PLXND1: variants seen among roughly 807,000 people sequenced by gnomAD.
The protein encoded by PLXND1 is plexin D1, also known as plexin-D1.
In PLXND1, 54 loss-of-function variants were observed where a neutral mutation model predicts 197.7. The ratio of observed to expected loss-of-function variants is 0.27; its 90% confidence interval spans 0.22 to 0.34. The LOEUF (loss-of-function observed/expected upper bound fraction) is 0.34, where lower values mean the gene tolerates loss of function less well. Ranked by LOEUF, PLXND1 falls within the 10% of genes least tolerant of loss-of-function variation. The pLI, the probability that PLXND1 is intolerant of heterozygous loss-of-function variation, is 1.00. For synonymous variants in PLXND1, 1,180 were observed against 1,161.2 expected (o/e 1.02, Z -0.33); for missense variants, 2,127 against 2,699.2 (o/e 0.79, Z 4.70).
Position 129,577,097 on chromosome 3 carries a change from C to CGTTTT in PLXND1, c.2346+1227_2346+1231dup, listed in dbSNP as rs984800280. ...GTGGCTGCTGACGGGGCCAAAAGCC[C>CGTTTT]GTTTTGTCCCCTGCCATGCTGAGCT... On this transcript the variant is annotated intron_variant, in intron 9 of 35. Coordinates refer to ENST00000324093, the MANE Select transcript of PLXND1 (RefSeq NM_015103.3). This position sits in a 1 kb window ranked among gnomAD's most constrained non-coding sequence, Gnocchi z 5.0. 3.3e-5 allele frequency among the ~76,000 whole-genome samples: 5 copies of CGTTTT among 152,266 alleles called. No individual in the cohort carries two copies. Among genetic ancestry groups the CGTTTT allele is most frequent in the African/African-American group, 1.2e-4 (5 of 41,552 alleles).
chr3:129,567,704 G>A lies in PLXND1; in HGVS notation c.3967C>T (p.Arg1323Cys). 2 of 1,607,400 alleles carry A rather than the reference G, an allele frequency of 1.2e-6. No homozygotes were observed. The highest frequency in any genetic ancestry group is 8.5e-7 in the Non-Finnish European group (1 of 1,173,870). ...EMESQIREEIRKGFAELQTDM... is the reference protein window; with the variant it reads ...EMESQIREEICKGFAELQTDM... ...CAGGGTCCCCGCCCACTACCTTTGC[G>A]GATTTCCTCTCGGATCTGAGATTCC... Residue 1323 changes from arginine (R) to cysteine (C), a missense_variant, in exon 21 of 36, where the codon CGC becomes TGC. Arg to Cys is a radical substitution (Grantham distance 180). Coordinates refer to ENST00000324093, the MANE Select transcript of PLXND1 (RefSeq NM_015103.3).
At chr3:129,586,105 G>A (rs758800708) in intron 4 of PLXND1, 24 bp from the exon 5 acceptor site, 2 of 1,613,466 alleles carry the variant, frequency 1.2e-6, no homozygotes, top group Admixed American at 3.3e-5. Flanking sequence ...GCAGGGTCAG[G>A]ACCCAGGTCA....
chr3:129,578,262 G>T, intron 9 of PLXND1, 67 bp downstream of exon 9: 1 of 954,726 alleles, frequency 1.0e-6, no homozygotes, highest in Non-Finnish European at 1.7e-6. Context: ...CATGGGGGCA[G>T]TTAGTGGCCT....
chr3:129,602,429 C>A (rs2085722895), intron 1 of PLXND1, among the ~76,000 whole-genome samples: 1 of 152,240 alleles, frequency 6.6e-6, no homozygotes, highest in Non-Finnish European at 1.5e-5. Context: ...CTTCCTCCTG[C>A]TCCTCCGCCC....
chr3:129,574,504 G>A lies in PLXND1; in HGVS notation c.2531-14C>T. On this transcript the variant is annotated splice_polypyrimidine_tract_variant and intron_variant, in intron 11 of 35. Transcript: ENST00000324093. Reference sequence around the variant, plus strand: ...TATAGACCATGACTGGGGAGACACGGGGCAGCTCGGTCAGCCCCGCTCTGC... The same window carrying A: ...TATAGACCATGACTGGGGAGACACGAGGCAGCTCGGTCAGCCCCGCTCTGC... 6.2e-7 allele frequency: 1 copy of A among 1,610,028 alleles called. No individual in the cohort carries two copies. Among genetic ancestry groups the A allele is most frequent in the Non-Finnish European group, 8.5e-7 (1 of 1,178,010 alleles).
intron 1 of PLXND1, among the ~76,000 whole-genome samples, chr3:129,598,154 C>T (rs1186746051): frequency 6.6e-6 from 1 of 152,200 alleles, no homozygotes; most frequent in African/African-American, 2.4e-5. Flanking sequence ...AGCTTCCCCT[C>T]GGCCTGCTAC....
Position 129,558,368 on chromosome 3 carries a change from T to C in PLXND1, c.5445+60A>G. On this transcript the variant is annotated intron_variant, in intron 33 of 35. Coordinates refer to ENST00000324093, the MANE Select transcript of PLXND1 (RefSeq NM_015103.3). This position sits in a 1 kb window ranked among gnomAD's most constrained non-coding sequence, Gnocchi z 4.1. ...CTCAGAGAGTCGAGGAGGCTACCCA[T>C]GGTCGGCACCCCACTCTGGCCCTGT... 2 of 1,529,734 alleles carry C rather than the reference T, an allele frequency of 1.3e-6. No individual in the cohort carries two copies. The highest frequency in any genetic ancestry group is 1.8e-6 in the Non-Finnish European group (2 of 1,119,084). The allele number at this position is 1,529,734 out of a possible 1,614,324, so 94.8% of individuals were successfully genotyped here. A position where few individuals can be genotyped will look rare whatever the true frequency, so the allele number is the denominator to read the frequency against.
In PLXND1 at chr3:129,561,810, G is replaced by T; in HGVS notation, c.4919C>A (p.Ala1640Asp). ...GGGGCAGGGCTGCACCTTGTAATGG[G>T]CCAGCGTGTTAAGCTTCTTGCGGCC... Reference protein sequence around the residue: ...EDGRKKLNTLAHYKIPEGASL... With the variant: ...EDGRKKLNTLDHYKIPEGASL... The change falls in exon 28 of 36, where the codon GCC becomes GAC. Residue 1640 changes from alanine to aspartate, a missense_variant. Physicochemically the swap from Ala to Asp is moderately radical, Grantham distance 126 (BLOSUM62 -2). Coordinates refer to ENST00000324093, the MANE Select transcript of PLXND1 (RefSeq NM_015103.3). The T allele has an allele frequency of 6.2e-7, 1 of 1,611,272 alleles. No homozygotes were observed. The highest frequency in any genetic ancestry group is 8.5e-7 in the Non-Finnish European group (1 of 1,177,628).
chr3:129,593,168 CT>C (rs1343190282), intron 1 of PLXND1, among the ~76,000 whole-genome samples: 2 of 152,266 alleles, frequency 1.3e-5, no homozygotes, highest in African/African-American at 4.8e-5. Flanking sequence ...AACCCAGCTC[CT>C]GGCTGTCCTC....
At chr3:129,597,232 C>T (rs1271720921) in intron 1 of PLXND1, among the ~76,000 whole-genome samples, 1 of 151,932 alleles carries the variant, frequency 6.6e-6, no homozygotes, top group African/African-American at 2.4e-5. Context: ...AGATCCCCGC[C>T]CTTAACCACA....
intron 23 of PLXND1, chr3:129,566,264 C>G (rs1468286809): frequency 3.4e-6 from 2 of 596,306 alleles, no homozygotes; most frequent in Admixed American, 2.9e-5. Context: ...TCTCACCTTC[C>G]ATTTTCTAAG....
At chr3:129,596,127 G>A (rs1183846638) in intron 1 of PLXND1, among the ~76,000 whole-genome samples, 1 of 152,158 alleles carries the variant, frequency 6.6e-6, no homozygotes, top group East Asian at 1.9e-4. Context: ...GCTCATAGGA[G>A]CCTTCAGTGC....
rs185831300 is a variant in PLXND1, at chr3:129,577,118, G to A, written c.2346+1211C>T. On this transcript the variant is annotated intron_variant, in intron 9 of 35. Coordinates refer to ENST00000324093, the MANE Select transcript of PLXND1 (RefSeq NM_015103.3). The surrounding 1 kb of genome is among the most constrained non-coding windows in gnomAD (Gnocchi z 5.0). Reference sequence around the variant, plus strand: ...AGCCCGTTTTGTCCCCTGCCATGCTGAGCTGGAGATGGGTCCCTCCTCTTA... The same window carrying A: ...AGCCCGTTTTGTCCCCTGCCATGCTAAGCTGGAGATGGGTCCCTCCTCTTA... 1.3e-5 allele frequency among the ~76,000 whole-genome samples: 2 copies of A among 152,248 alleles called. No homozygotes were observed. The highest frequency in any genetic ancestry group is 2.9e-5 in the Non-Finnish European group (2 of 68,022).
At chr3:129,573,837 GC>G in intron 12 of PLXND1, 92 bp from the exon 13 acceptor site, 7 of 1,405,136 alleles carry the variant, frequency 5.0e-6, no homozygotes, top group South Asian at 4.0e-5. Context: ...GCAGGGCACA[GC>G]CGTGCAGACC....
chr3:129,566,595 A>T lies in PLXND1; in HGVS notation c.4123T>A (p.Ser1375Thr), dbSNP rs762010911. The T allele has an allele frequency of 1.2e-6, 2 of 1,612,850 alleles. No individual in the cohort carries two copies. Among genetic ancestry groups the T allele is most frequent in the Non-Finnish European group, 1.7e-6 (2 of 1,179,170 alleles). Residue 1375 changes from serine (S) to threonine (T), a missense_variant, in exon 23 of 36, where the codon TCC becomes ACC. By Grantham distance (58) the Ser-to-Thr change is moderately conservative. This residue lies in a region of PLXND1 where 532 missense variants were observed against 811.0 expected (regional missense o/e 0.66). Coordinates refer to ENST00000324093, the MANE Select transcript of PLXND1 (RefSeq NM_015103.3). ...CTGCCCTGGGAGTTGAGGGTCTGGG[A>T]GGGCAGCACGTAACGCTCTTCATAA... ...SLYEERYVLP[S>T]QTLNSQGSSQ...
In PLXND1 at chr3:129,604,531, T is replaced by C. The variant is rs184216134; in HGVS notation, c.1311+798A>G. ...GTTCTGAGAACTGGGAATTGTGACA[T>C]GTGATGCCCCTAGCTGGCACTCCAC... is the stretch of plus-strand genomic sequence containing the variant. On this transcript the variant is annotated intron_variant, in intron 1 of 35. Coordinates refer to ENST00000324093, the MANE Select transcript of PLXND1 (RefSeq NM_015103.3). Among the ~76,000 whole-genome samples, 55 of 152,326 alleles carry C rather than the reference T, an allele frequency of 3.6e-4. 1 individual carries two copies. The highest frequency in any genetic ancestry group is 3.3e-3 in the Admixed American group (51 of 15,310).
Position 129,584,570 on chromosome 3 carries a change from C to A in PLXND1, c.1852-8G>T, listed in dbSNP as rs1185209098. 2 of 1,596,678 alleles carry A rather than the reference C, an allele frequency of 1.3e-6. No homozygotes were observed. The highest frequency in any genetic ancestry group is 2.3e-5 in the South Asian group (2 of 88,016). ...GATCTGCAGGATCATGCCCTGGGGG[C>A]AAGGAGCCCTCAGCTCTGGGGGTCC... On this transcript the variant is annotated splice_region_variant and splice_polypyrimidine_tract_variant and intron_variant, in intron 5 of 35. Coordinates refer to ENST00000324093, the MANE Select transcript of PLXND1 (RefSeq NM_015103.3).
chr3:129,606,409 G>A lies in PLXND1; in HGVS notation c.231C>T (p.Asn77=). 1 of 1,475,424 alleles carries A rather than the reference G, an allele frequency of 6.8e-7. No homozygotes were observed. The highest frequency in any genetic ancestry group is 8.9e-7 in the Non-Finnish European group (1 of 1,117,566). 91.4% of individuals were successfully genotyped at this position (1,475,424 alleles called of 1,614,324 possible). A position where few individuals can be genotyped will look rare whatever the true frequency, so the allele number is the denominator to read the frequency against. Residue 77 remains asparagine (N), a synonymous_variant, in exon 1 of 36, where the codon AAC becomes AAT. Coordinates refer to ENST00000324093, the MANE Select transcript of PLXND1 (RefSeq NM_015103.3). ...TGGCGCCCGACAGCTGATAGAGGCG[G>A]TTGACGGCCGCCAGGTACACGGTCC... ...AAGTVYLAAV[N]RLYQLSGANL... is the part of the protein sequence containing the mutation.
intron 1 of PLXND1, among the ~76,000 whole-genome samples, chr3:129,602,651 G>C (rs1269310806): frequency 1.3e-5 from 2 of 152,232 alleles, no homozygotes; most frequent in Non-Finnish European, 2.9e-5. Flanking sequence ...TCTGGGGCTA[G>C]AAGTAGGAGA....
Sources: gnomAD v4.1 joint callset for allele counts (sites outside exome capture counted in the v4.1 genomes callset) on GRCh38, gnomAD v4.1.1 for gene constraint, gnomAD v4.1.1 regional missense constraint, Gnocchi (gnomAD v3.1) non-coding constraint, MANE v1.5 for transcripts, NCBI Gene and HGNC (gene_info 2026-07-23, HGNC 2026-07-21) for gene names.